The following GRIN2A variants were observed in gnomAD, a reference collection of about 807,000 sequenced individuals.
GRIN2A encodes glutamate ionotropic receptor NMDA type subunit 2A, also known as glutamate receptor ionotropic, NMDA 2A.
GRIN2A carries 22 observed loss-of-function variants against 113.4 expected under a neutral mutation model. The ratio of observed to expected loss-of-function variants is 0.19; its 90% CI spans 0.14 to 0.28. The LOEUF (loss-of-function observed/expected upper bound fraction) is 0.28. GRIN2A is among the 10% of genes least tolerant of loss of function. The pLI is 1.00. For missense variants in GRIN2A, 1,502 were observed against 1,887.0 expected, an observed-to-expected ratio of 0.80 and a Z score of 3.78; for synonymous variants, 827 against 738.4, an observed-to-expected ratio of 1.12 and a Z score of -1.94.
At chr16:10,011,244 G>C (rs982443267) in intron 2 of GRIN2A, among the ~76,000 whole-genome samples, 2 of 152,110 alleles carry the variant, frequency 1.3e-5, no homozygotes, top group African/African-American at 4.8e-5. Context: ...ATCTTCCCAG[G>C]TGTTTACATT....
chr16:9,978,872 G>T (rs2045828446), intron 2 of GRIN2A, among the ~76,000 whole-genome samples: 1 of 152,224 alleles, frequency 6.6e-6, no homozygotes, highest in South Asian at 2.1e-4. Context: ...TACTCAGCAA[G>T]ACAGAGGGAG....
At chr16:9,963,260 A>G (rs1035746300) in intron 2 of GRIN2A, among the ~76,000 whole-genome samples, 1 of 152,082 alleles carries the variant, frequency 6.6e-6, no homozygotes, top group Non-Finnish European at 1.5e-5. Context: ...CCTAAAACTT[A>G]AAGTATAATA....
At chr16:10,125,590 A>G (rs969537406) in intron 2 of GRIN2A, among the ~76,000 whole-genome samples, 1 of 151,250 alleles carries the variant, frequency 6.6e-6, no homozygotes, top group African/African-American at 2.4e-5. Flanking sequence ...GAGCAAAGCA[A>G]TGGAGCTAAG....
intron 10 of GRIN2A, among the ~76,000 whole-genome samples, chr16:9,818,338 C>T (rs912900184): frequency 1.3e-5 from 2 of 150,270 alleles, no homozygotes; most frequent in Non-Finnish European, 3.0e-5. Flanking sequence ...AGAAAAATTC[C>T]AAATATTAAA....
At chr16:9,891,977 C>G (rs989253712) in intron 3 of GRIN2A, among the ~76,000 whole-genome samples, 3 of 152,072 alleles carry the variant, frequency 2.0e-5, no homozygotes, top group Admixed American at 6.6e-5. Context: ...ACCTGTAATC[C>G]CAGCACTTTG....
At chr16:10,066,322 C>A (rs1436265893) in intron 2 of GRIN2A, among the ~76,000 whole-genome samples, 5 of 152,156 alleles carry the variant, frequency 3.3e-5, no homozygotes, top group Non-Finnish European at 7.3e-5. Context: ...GGAGTCTAAT[C>A]CTGTCTGTCT....
intron 10 of GRIN2A, among the ~76,000 whole-genome samples, chr16:9,806,556 G>A (rs1228092111): frequency 1.3e-5 from 2 of 152,102 alleles, no homozygotes; most frequent in African/African-American, 2.4e-5. Flanking sequence ...GAGAAGGGGA[G>A]AGGATAGAAG....
In GRIN2A at chr16:9,832,988, C is replaced by T. The variant is rs2042523080; in HGVS notation, c.1777+1117G>A. Among the ~76,000 whole-genome samples the T allele has an allele frequency of 2.6e-5, 4 of 152,170 alleles. No homozygotes were observed. The South Asian group carries it at 8.3e-4, about 31-fold the overall frequency. ...ACATCTAAGTGAAAAGAATATGTAT[C>T]CATCACATTAAAGTGCTCTGCTTTT... On this transcript the variant is annotated intron_variant, in intron 8 of 12. Coordinates refer to ENST00000330684, the MANE Select transcript of GRIN2A (RefSeq NM_001134407.3).
At chr16:10,043,570 C>T (rs762857278) in intron 2 of GRIN2A, among the ~76,000 whole-genome samples, 4 of 152,134 alleles carry the variant, frequency 2.6e-5, no homozygotes, top group Non-Finnish European at 4.4e-5. Context: ...TACAAAGATG[C>T]CACCAACTTT....
intron 2 of GRIN2A, among the ~76,000 whole-genome samples, chr16:10,049,431 G>T (rs1052939436): frequency 6.6e-6 from 1 of 151,566 alleles, no homozygotes; most frequent in African/African-American, 2.4e-5. Flanking sequence ...AGGTTGGAGT[G>T]CAGTGGTGCG....
intron 10 of GRIN2A, among the ~76,000 whole-genome samples, chr16:9,810,596 G>A (rs944404623): frequency 3.3e-5 from 5 of 152,150 alleles, no homozygotes; most frequent in African/African-American, 1.2e-4. Flanking sequence ...TGGAGGCAGA[G>A]ATTGGAGAGA....
At chr16:9,936,977 A>C (rs550440943) in intron 3 of GRIN2A, among the ~76,000 whole-genome samples, 1 of 152,294 alleles carries the variant, frequency 6.6e-6, no homozygotes, top group South Asian at 2.1e-4. Flanking sequence ...GGACCCAAAA[A>C]TCCTATATCT....
intron 2 of GRIN2A, among the ~76,000 whole-genome samples, chr16:10,083,402 G>A (rs2142061746): frequency 6.6e-6 from 1 of 152,330 alleles, no homozygotes; most frequent in East Asian, 1.9e-4. Flanking sequence ...GGGTTTAAAT[G>A]GTGACCTTTG....
intron 2 of GRIN2A, among the ~76,000 whole-genome samples, chr16:10,077,237 G>A (rs2047890064): frequency 6.6e-6 from 1 of 152,162 alleles, no homozygotes; most frequent in Non-Finnish European, 1.5e-5. Flanking sequence ...TGACCAGTAG[G>A]ATTATAAATT....
chr16:10,083,228 C>G (rs907873333), intron 2 of GRIN2A, among the ~76,000 whole-genome samples: 3 of 152,206 alleles, frequency 2.0e-5, no homozygotes, highest in African/African-American at 7.2e-5. Context: ...TCTGGGTGTG[C>G]AAATCTGTGA....
intron 2 of GRIN2A, among the ~76,000 whole-genome samples, chr16:9,998,063 A>C (rs1342375598): frequency 6.6e-6 from 1 of 152,196 alleles, no homozygotes; most frequent in East Asian, 1.9e-4. Flanking sequence ...TTTTTACACA[A>C]ATAATAGGTT....
chr16:9,838,718 G>C (rs1270332120), intron 7 of GRIN2A, among the ~76,000 whole-genome samples: 3 of 152,168 alleles, frequency 2.0e-5, no homozygotes, highest in Non-Finnish European at 2.9e-5. Context: ...GTCAAGACCA[G>C]TATCTGAATA....
chr16:10,071,189 G>C (rs2047743443), intron 2 of GRIN2A, among the ~76,000 whole-genome samples: 1 of 152,184 alleles, frequency 6.6e-6, no homozygotes, highest in Non-Finnish European at 1.5e-5. Flanking sequence ...ATGGAAATTT[G>C]GGATTTCTAG....
chr16:9,821,329 C>T (rs1444847475), intron 10 of GRIN2A, among the ~76,000 whole-genome samples: 1 of 152,078 alleles, frequency 6.6e-6, no homozygotes, highest in Non-Finnish European at 1.5e-5. Context: ...TTCATGCATT[C>T]CTGGGTCTAC....
Sources: gnomAD v4.1 joint callset for allele counts (sites outside exome capture counted in the v4.1 genomes callset) on GRCh38, gnomAD v4.1.1 for gene constraint, MANE v1.5 for transcripts, NCBI Gene and HGNC (gene_info 2026-07-23, HGNC 2026-07-21) for gene names.